TEX9: variants seen among roughly 807,000 people sequenced by gnomAD.
TEX9 encodes testis expressed 9.
TEX9 carries 74 observed loss-of-function variants against 59.6 expected under a neutral mutation model. The ratio of observed to expected loss-of-function variants is 1.24; its 90% CI spans 1.03 to 1.51. The LOEUF (loss-of-function observed/expected upper bound fraction) is 1.51. TEX9 is among the 40% of genes most tolerant of loss of function. TEX9 has a pLI of 0.00. For missense variants in TEX9, 522 were observed against 447.8 expected (o/e 1.17, Z -1.49); for synonymous variants, 186 against 152.2 (o/e 1.22, Z -1.64).
intron 12 of TEX9, chr15:56,431,481 C>T (rs774714538): frequency 5.0e-5 from 81 of 1,613,606 alleles, no homozygotes; most frequent in Non-Finnish European, 1.0e-5. Flanking sequence ...GCAACTGCCA[C>T]TCTTCTAGTT....
At chr15:56,379,071 CA>C (rs199787439) in intron 3 of TEX9, among the ~76,000 whole-genome samples, 2,583 of 50,176 alleles carry the variant, frequency 0.051, 71 homozygotes, top group African/African-American at 0.12. Context: ...CTCAAAGAAA[CA>C]AAAAAAAAAA....
chr15:56,341,694 T>C (rs1346708276), intron 1 of TEX9, among the ~76,000 whole-genome samples: 1 of 152,142 alleles, frequency 6.6e-6, no homozygotes, highest in Non-Finnish European at 1.5e-5. Flanking sequence ...AGAAAAATAA[T>C]AGTAATTATT....
intron 1 of TEX9, among the ~76,000 whole-genome samples, chr15:56,358,186 C>T (rs1039437147): frequency 4.6e-5 from 7 of 152,126 alleles, no homozygotes; most frequent in Admixed American, 2.0e-4. Context: ...ATACAGTTCC[C>T]TGGGGCATTT....
chr15:56,445,100 G>A (rs2050885196), intron 12 of TEX9, among the ~76,000 whole-genome samples: 3 of 151,900 alleles, frequency 2.0e-5, no homozygotes, highest in Non-Finnish European at 4.4e-5. Context: ...CTTTCTTACA[G>A]GTCTGCTATT....
chr15:56,391,556 G>C, intron 7 of TEX9, 138 bp downstream of exon 7: 1 of 528,110 alleles, frequency 1.9e-6, no homozygotes, highest in Non-Finnish European at 3.0e-6. Context: ...AGTAGGATGT[G>C]GTGGAGGGAG....
chr15:56,339,166 T>C (rs2046316707), intron 1 of TEX9, among the ~76,000 whole-genome samples: 1 of 151,724 alleles, frequency 6.6e-6, no homozygotes, highest in Non-Finnish European at 1.5e-5. Context: ...GTGGATCACC[T>C]GAGGTCAGGA....
rs150503721 is a variant in TEX9 at position 56,318,238 on chromosome 15, T to G, written c.-106-55203T>G. 1.2e-3 allele frequency among the ~76,000 whole-genome samples: 185 copies of G among 152,268 alleles called. 1 individual carries two copies. Among genetic ancestry groups the G allele is most frequent in the African/African-American group, 4.3e-3 (179 of 41,572 alleles). ...TTTATGTTCCTAATGCGTTGATCCT[T>G]TTATTATTAAAAAAGTCCTTCTTTG... On this transcript the variant is annotated intron_variant, in intron 1 of 5. Coordinates refer to the TEX9 transcript ENST00000560827.
In TEX9 at chr15:56,365,638, A is replaced by G. The variant is rs146113641; in HGVS notation, c.87A>G (p.Gly29=). ...CCGTTCAGCAACCCTCTACACCTGGACCCGACCTCCTCGCCTTGGAGGAAG... is the reference window on the plus strand; with the variant it reads ...CCGTTCAGCAACCCTCTACACCTGGGCCCGACCTCCTCGCCTTGGAGGAAG... The change falls in exon 2 of 13, where the codon GGA becomes GGG. Residue 29 remains glycine, a synonymous_variant. Coordinates refer to ENST00000352903, the Ensembl canonical transcript of TEX9. The G allele has an allele frequency of 6.2e-6, 10 of 1,613,992 alleles. No individual in the cohort carries two copies. The African/African-American group carries it at 9.3e-5, about 15-fold the overall frequency.
At chr15:56,254,500 C>G (rs1419109705) in intron 1 of TEX9, among the ~76,000 whole-genome samples, 3 of 151,518 alleles carry the variant, frequency 2.0e-5, no homozygotes, top group Non-Finnish European at 2.9e-5. Flanking sequence ...CCAGGAGGCA[C>G]AGGGAGGCTC....
chr15:56,403,461 A>C (rs1807019659), intron 9 of TEX9, among the ~76,000 whole-genome samples: 2 of 152,264 alleles, frequency 1.3e-5, no homozygotes, highest in African/African-American at 4.8e-5. Context: ...ACTGCAAACC[A>C]CTGCTCAATG....
rs547959362 is a variant in TEX9 at position 56,326,391 on chromosome 15, T to A, written c.-106-47050T>A. On this transcript the variant is annotated intron_variant, in intron 1 of 5. Coordinates refer to the TEX9 transcript ENST00000560827. ...AATATATTTACTGAAGGACACAAAA[T>A]AAACTCAATTTTTTCAATTATAAAT... 2.0e-5 allele frequency among the ~76,000 whole-genome samples: 3 copies of A among 152,278 alleles called. No individual in the cohort carries two copies. The South Asian group carries it at 6.2e-4, about 32-fold the overall frequency.
intron 10 of TEX9, among the ~76,000 whole-genome samples, chr15:56,417,890 G>A (rs569215868): frequency 2.6e-5 from 4 of 151,926 alleles, no homozygotes; most frequent in African/African-American, 9.7e-5. Flanking sequence ...TGTATATTTA[G>A]GCTAATTAGG....
chr15:56,413,945 CAG>C (rs1291120379), intron 10 of TEX9, among the ~76,000 whole-genome samples: 2 of 151,638 alleles, frequency 1.3e-5, no homozygotes, highest in Non-Finnish European at 2.9e-5. Flanking sequence ...TTTTCATATT[CAG>C]GGGCCATCAA....
upstream of TEX9, among the ~76,000 whole-genome samples, chr15:56,364,528 G>T (rs72740595): frequency 0.017 from 2,487 of 149,900 alleles, 25 homozygotes; most frequent in Non-Finnish European, 0.026. Context: ...AGGATTCTCA[G>T]AATTGTAATT....
At chr15:56,391,304 T>C in exon 7 of TEX9, 1 of 1,600,458 alleles carries the variant, frequency 6.2e-7, no homozygotes, top group African/African-American at 1.3e-5. Context: ...AGAGGATTTC[T>C]CAGACTTTTC....
At chr15:56,417,488 T>A (rs1596222375) in intron 10 of TEX9, among the ~76,000 whole-genome samples, 1 of 151,974 alleles carries the variant, frequency 6.6e-6, no homozygotes, top group East Asian at 1.9e-4. Flanking sequence ...AATTTCCATG[T>A]AACTGCATGG....
intron 10 of TEX9, among the ~76,000 whole-genome samples, chr15:56,425,521 A>G (rs1161364061): frequency 1.3e-5 from 2 of 151,998 alleles, no homozygotes; most frequent in Non-Finnish European, 2.9e-5. Flanking sequence ...GAATTTTTCC[A>G]TTCAGTTACT....
At chr15:56,426,638 A>ACAAAC (rs1567141726) in intron 10 of TEX9, among the ~76,000 whole-genome samples, 1 of 78,182 alleles carries the variant, frequency 1.3e-5, no homozygotes, top group African/African-American at 4.1e-5. Context: ...CACACACACA[A>ACAAAC]ACACACACAC....
chr15:56,455,698 T>C, the TEX9 span, among the ~76,000 whole-genome samples: 114 of 152,276 alleles, frequency 7.5e-4, no homozygotes, highest in African/African-American at 2.6e-3. Context: ...TAGTGTCCTG[T>C]CATCTGGAGT....
Sources: allele counts gnomAD v4.1 joint callset (sites outside exome capture counted in the v4.1 genomes callset), GRCh38; gene constraint gnomAD v4.1.1; transcripts MANE v1.5; gene names NCBI Gene and HGNC (gene_info 2026-07-23, HGNC 2026-07-21).